Variants in GALK2 observed in about 807,000 individuals in gnomAD.
GALK2 encodes galactokinase 2, also known as N-acetylgalactosamine kinase.
Under a neutral mutation model 52.4 loss-of-function variants are expected in GALK2, and 36 were observed. That is an observed-to-expected ratio of 0.69 (90% CI 0.53 to 0.91). The LOEUF is 0.91. GALK2 is among the 40% of genes least tolerant of loss of function. The pLI, the probability that GALK2 is intolerant of heterozygous loss-of-function variation, is 0.00. For synonymous variants in GALK2, 176 were observed against 199.1 expected (o/e 0.88, Z 0.98); for missense variants, 579 against 559.1 (o/e 1.04, Z -0.36).
chr15:49,265,221 C>G lies in GALK2; in HGVS notation c.505-16766C>G, dbSNP rs559725748. On this transcript the variant is annotated intron_variant, in intron 5 of 9. Transcript: ENST00000560031. ...AGGCCTCCTTGAGCTGTGGTGGGCT[C>G]CACCCAGTTCTAGGTTCCTGGCTGC... 6.3e-4 allele frequency among the ~76,000 whole-genome samples: 96 copies of G among 152,308 alleles called. 1 individual carries two copies. Among genetic ancestry groups the G allele is most frequent in the African/African-American group, 2.0e-3 (85 of 41,574 alleles).
At chr15:49,228,625 G>A (rs1210434955) in intron 3 of GALK2, among the ~76,000 whole-genome samples, 5 of 92,374 alleles carry the variant, frequency 5.4e-5, no homozygotes, top group East Asian at 2.9e-4. Context: ...ATTTTTTTCC[G>A]ATTTCTTTGT....
intron 4 of GALK2, among the ~76,000 whole-genome samples, chr15:49,236,232 T>C (rs1174420997): frequency 1.3e-5 from 2 of 152,220 alleles, no homozygotes; most frequent in Non-Finnish European, 2.9e-5. Flanking sequence ...GGATATGTTT[T>C]AATACTATTA....
chr15:49,331,709 G>C lies in GALK2; in HGVS notation c.*3550G>C. ...GGGTGTGCCACCATACATTGCTTAT[G>C]AAATATTGTCCAGTCTATATAAAAG... On this transcript the variant is annotated 3_prime_UTR_variant, in exon 10 of 10. Coordinates refer to ENST00000560031, the MANE Select transcript of GALK2 (RefSeq NM_002044.4). The C allele has an allele frequency of 4.2e-6, 4 of 960,770 alleles. No individual in the cohort carries two copies. In the South Asian group the frequency reaches 5.4e-5, roughly 13 times the overall value. 59.5% of individuals were successfully genotyped at this position (960,770 alleles called of 1,614,324 possible).
At chr15:49,335,851 TTTC>T (rs1442971482), downstream of GALK2, among the ~76,000 whole-genome samples, 26 of 152,218 alleles carry the variant, frequency 1.7e-4, no homozygotes, top group African/African-American at 6.0e-4. Flanking sequence ...AATTCATTTT[TTTC>T]TTATTTATTC....
chr15:49,314,112 CCT>C (rs1309663049), intron 8 of GALK2, among the ~76,000 whole-genome samples: 1 of 152,082 alleles, frequency 6.6e-6, no homozygotes, highest in East Asian at 1.9e-4. Flanking sequence ...TTATGTGTGC[CCT>C]GATTTAGATT....
chr15:49,179,595 A>T (rs1355146240), intron 1 of GALK2, among the ~76,000 whole-genome samples: 1 of 151,018 alleles, frequency 6.6e-6, no homozygotes, highest in Non-Finnish European at 1.5e-5. Context: ...CAACAGTCAT[A>T]GCTTTGTTTC....
intron 8 of GALK2, among the ~76,000 whole-genome samples, chr15:49,318,465 GGTT>G (rs1308431032): frequency 2.0e-5 from 3 of 151,902 alleles, no homozygotes; most frequent in Non-Finnish European, 2.9e-5. Flanking sequence ...TAGTTTTGTA[GGTT>G]GTTTTTTCAC....
rs149303193 is a variant in GALK2 at position 49,204,273 on chromosome 15, T to TTTC, written c.142+3041_142+3043dup. ...ATAGTGTGATGCCTCCAGCTTTTCTTTTCTTCTTCTTCTTCTTCTTTTATT... is the reference window on the plus strand; with the variant it reads ...ATAGTGTGATGCCTCCAGCTTTTCTTTTCTTCTTCTTCTTCTTCTTCTTTTATT... On this transcript the variant is annotated intron_variant, in intron 2 of 9. Coordinates refer to ENST00000560031, the MANE Select transcript of GALK2 (RefSeq NM_002044.4). 4.0e-3 allele frequency among the ~76,000 whole-genome samples: 612 copies of TTTC among 151,928 alleles called. 9 individuals carry two copies. Among genetic ancestry groups the TTTC allele is most frequent in the African/African-American group, 0.014 (579 of 41,428 alleles).
chr15:49,256,808 T>C (rs1368723141), intron 5 of GALK2, among the ~76,000 whole-genome samples: 2 of 152,150 alleles, frequency 1.3e-5, no homozygotes, highest in African/African-American at 2.4e-5. Context: ...TTTTCAAGCA[T>C]AGAGACTATT....
chr15:49,223,690 T>C (rs1413466150), intron 3 of GALK2, among the ~76,000 whole-genome samples: 1 of 152,212 alleles, frequency 6.6e-6, no homozygotes, highest in Non-Finnish European at 1.5e-5. Flanking sequence ...AGCCTCCAGC[T>C]GCATCCATGT....
At position 49,159,916 on chromosome 15, in the gene GALK2, G is replaced by A. The variant is rs527297386; in HGVS notation, c.20+3900G>A. Reference sequence around the variant, plus strand: ...TCATGACACATCACTCCTAAATGCAGCTGTGTCTGTTTCCTAAAAATAAGA... The same window carrying A: ...TCATGACACATCACTCCTAAATGCAACTGTGTCTGTTTCCTAAAAATAAGA... On this transcript the variant is annotated intron_variant, in intron 1 of 9. Transcript: ENST00000327171. Among the ~76,000 whole-genome samples the A allele has an allele frequency of 4.6e-5, 7 of 152,214 alleles. 1 individual carries two copies. The East Asian group carries it at 5.8e-4, about 13-fold the overall frequency.
chr15:49,362,975 C>T (rs890416768), intron 3 of GALK2, among the ~76,000 whole-genome samples: 1 of 151,900 alleles, frequency 6.6e-6, no homozygotes, highest in Admixed American at 6.6e-5. Context: ...CTGTTCCATA[C>T]GTCTTTGTGT....
At chr15:49,286,953 A>G (rs896652381) in intron 7 of GALK2, among the ~76,000 whole-genome samples, 3 of 152,190 alleles carry the variant, frequency 2.0e-5, no homozygotes, top group African/African-American at 7.2e-5. Flanking sequence ...CAAGTATTAG[A>G]CATGTAAAAT....
intron 3 of GALK2, among the ~76,000 whole-genome samples, chr15:49,217,940 G>T (rs544694715): frequency 2.0e-5 from 3 of 152,264 alleles, no homozygotes; most frequent in South Asian, 2.1e-4. Flanking sequence ...TAGAATTGAA[G>T]ATCAGTTTTT....
intron 5 of GALK2, among the ~76,000 whole-genome samples, chr15:49,272,162 G>A (rs963872840): frequency 4.6e-5 from 7 of 152,068 alleles, no homozygotes; most frequent in African/African-American, 1.4e-4. Context: ...TTTTAGGTCA[G>A]CTTATTGACC....
chr15:49,167,012 T>C (rs1243426134), upstream of GALK2, among the ~76,000 whole-genome samples: 1 of 152,222 alleles, frequency 6.6e-6, no homozygotes, highest in Admixed American at 6.5e-5. Flanking sequence ...ATTTCTAAGC[T>C]GAGAAACATC....
At chr15:49,234,449 G>T (rs2090678550) in intron 3 of GALK2, among the ~76,000 whole-genome samples, 1 of 152,136 alleles carries the variant, frequency 6.6e-6, no homozygotes, top group African/African-American at 2.4e-5. Flanking sequence ...CCTAGGCTGG[G>T]TAATTATAAA....
chr15:49,309,483 T>C (rs1007158369), intron 8 of GALK2, among the ~76,000 whole-genome samples: 2 of 152,192 alleles, frequency 1.3e-5, no homozygotes, highest in Non-Finnish European at 2.9e-5. Flanking sequence ...ATTTATAGGG[T>C]ACAGAGTGAT....
intron 1 of GALK2, among the ~76,000 whole-genome samples, chr15:49,160,973 C>T (rs979162248): frequency 2.0e-5 from 3 of 151,952 alleles, no homozygotes; most frequent in South Asian, 2.1e-4. Context: ...AATAGGATCC[C>T]GAGGTAGTTA....
Sources: gnomAD v4.1 joint callset for allele counts (sites outside exome capture counted in the v4.1 genomes callset) on GRCh38, gnomAD v4.1.1 for gene constraint, MANE v1.5 for transcripts, NCBI Gene and HGNC (gene_info 2026-07-23, HGNC 2026-07-21) for gene names.